The following IPO7 variants were observed in gnomAD, a reference collection of about 807,000 sequenced individuals.
The protein encoded by IPO7 is importin 7.
In IPO7, 13 loss-of-function variants were observed where a neutral mutation model predicts 136.4. The observed-to-expected ratio is 0.10, with a 90% CI of 0.06 to 0.15. IPO7 has a LOEUF of 0.15. Among genes scored for constraint, IPO7 ranks in the 10% least tolerant of loss-of-function variants. The probability of loss-of-function intolerance (pLI) is 1.00; values close to 1 mark genes in which losing one functional copy is unlikely to be tolerated. For missense variants in IPO7, 857 were observed against 1,240.6 expected (o/e 0.69, Z 4.65); for synonymous variants, 403 against 404.4 (o/e 1.00, Z 0.04).
At position 9,422,989 on chromosome 11, in the gene IPO7, G is replaced by C; in HGVS notation, c.907-17G>C. The C allele has an allele frequency of 6.7e-7, 1 of 1,497,726 alleles. No individual in the cohort carries two copies. Among genetic ancestry groups the C allele is most frequent in the East Asian group, 2.3e-5 (1 of 43,686 alleles). The allele number at this position is 1,497,726 out of a possible 1,614,324, so 92.8% of individuals were successfully genotyped here. On this transcript the variant is annotated splice_polypyrimidine_tract_variant and intron_variant, in intron 8 of 24. Coordinates refer to ENST00000379719, the MANE Select transcript of IPO7 (RefSeq NM_006391.3). Reference sequence around the variant, plus strand: ...TCTATTTGAACATTGATTTGTGATCGAAAATTTTTTTCCAAGGTTTTATTG... The same window carrying C: ...TCTATTTGAACATTGATTTGTGATCCAAAATTTTTTTCCAAGGTTTTATTG...
At chr11:9,438,648 A>G (rs76362919) in intron 22 of IPO7, among the ~76,000 whole-genome samples, 1 of 152,176 alleles carries the variant, frequency 6.6e-6, no homozygotes, top group Non-Finnish European at 1.5e-5. Flanking sequence ...ATATATATAT[A>G]TATCACTAGC....
intron 22 of IPO7, among the ~76,000 whole-genome samples, chr11:9,439,522 TAC>T (rs1254449837): frequency 3.3e-5 from 5 of 152,182 alleles, no homozygotes; most frequent in African/African-American, 1.2e-4. Context: ...TTAACAAAGG[TAC>T]ACATATCATT....
At chr11:9,398,875 T>C (rs567840780) in intron 1 of IPO7, among the ~76,000 whole-genome samples, 1 of 152,184 alleles carries the variant, frequency 6.6e-6, no homozygotes, top group Non-Finnish European at 1.5e-5. Flanking sequence ...TATGTTTCTT[T>C]CTTGTTGAAA....
intron 1 of IPO7, among the ~76,000 whole-genome samples, chr11:9,401,794 G>A (rs929779666): frequency 2.6e-5 from 4 of 152,088 alleles, no homozygotes; most frequent in Admixed American, 2.6e-4. Context: ...CTTTTGAAAT[G>A]TAACATGTAT....
intron 1 of IPO7, among the ~76,000 whole-genome samples, chr11:9,389,455 G>A (rs1352558495): frequency 2.0e-5 from 3 of 152,212 alleles, no homozygotes; most frequent in Non-Finnish European, 4.4e-5. Flanking sequence ...TAGGCACTGA[G>A]CTAAGTAGTT....
Position 9,435,047 on chromosome 11 carries a change from A to T in IPO7, c.2172+16A>T. 1 of 1,441,620 alleles carries T rather than the reference A, an allele frequency of 6.9e-7. No individual in the cohort carries two copies. The highest frequency in any genetic ancestry group is 1.2e-5 in the South Asian group (1 of 86,264). 89.3% of individuals were successfully genotyped at this position (1,441,620 alleles called of 1,614,324 possible). On this transcript the variant is annotated intron_variant, in intron 19 of 24. Coordinates refer to ENST00000379719, the MANE Select transcript of IPO7 (RefSeq NM_006391.3). ...GTGCAAAAAGGTAGGTCATTTTTATATATCAGATTTCATGAGGCTTCTGCT... is the reference window on the plus strand; with the variant it reads ...GTGCAAAAAGGTAGGTCATTTTTATTTATCAGATTTCATGAGGCTTCTGCT...
chr11:9,406,865 C>A (rs941397052), intron 2 of IPO7, among the ~76,000 whole-genome samples: 3 of 151,856 alleles, frequency 2.0e-5, no homozygotes, highest in Admixed American at 1.3e-4. Context: ...CAGAGTGAGA[C>A]CCTTTCTCAA....
rs1855451381 is a variant in IPO7 at position 9,440,806 on chromosome 11, G to C, written c.2902+145G>C. ...CAAAGTAACCAAAATTATTTCTAAG[G>C]TTGCCATAGTTTCTGAGTATTCTTT... On this transcript the variant is annotated intron_variant, in intron 23 of 24. Coordinates refer to ENST00000379719, the MANE Select transcript of IPO7 (RefSeq NM_006391.3). The C allele has an allele frequency of 3.6e-5, 22 of 609,802 alleles. No individual in the cohort carries two copies. The South Asian group carries it at 4.2e-4, about 12-fold the overall frequency. 37.8% of individuals were successfully genotyped at this position (609,802 alleles called of 1,614,324 possible).
At chr11:9,387,690 G>T (rs1241157916) in intron 1 of IPO7, among the ~76,000 whole-genome samples, 1 of 151,816 alleles carries the variant, frequency 6.6e-6, no homozygotes, top group African/African-American at 2.4e-5. Context: ...AATTAGCTGG[G>T]CGCGGTGGCG....
At chr11:9,427,406 A>G (rs1174130345) in intron 12 of IPO7, among the ~76,000 whole-genome samples, 1 of 151,788 alleles carries the variant, frequency 6.6e-6, no homozygotes, top group African/African-American at 2.4e-5. Context: ...GACTGCAGAC[A>G]CCTGCCACCA....
intron 4 of IPO7, among the ~76,000 whole-genome samples, chr11:9,412,741 A>G (rs76976139): frequency 1.3e-5 from 2 of 151,974 alleles, no homozygotes; most frequent in Non-Finnish European, 2.9e-5. Context: ...CTGAGGTGTG[A>G]GGATAGCTTG....
At position 9,420,980 on chromosome 11, in the gene IPO7, AT is replaced by A. The variant is rs558977398; in HGVS notation, c.906+291del. 1.5e-4 allele frequency among the ~76,000 whole-genome samples: 22 copies of A among 151,724 alleles called. No individual in the cohort carries two copies. In the East Asian group the frequency reaches 3.3e-3, roughly 23 times the overall value. The stretch of plus-strand genomic sequence containing the variant: ...AGGCCTATTATATGTTAAGACAATA[AT>A]TTTTTTTTCTCTTGTTGCCCAGGTT... On this transcript the variant is annotated intron_variant, in intron 8 of 24. Transcript: ENST00000379719.
chr11:9,442,232 T>C (rs937582150), intron 24 of IPO7, 35 bp downstream of exon 24: 4 of 939,070 alleles, frequency 4.3e-6, no homozygotes, highest in African/African-American at 3.3e-5. Context: ...CTTTAATTAG[T>C]GACTTTTATA....
rs1855517084 is a variant in IPO7 at position 9,445,588 on chromosome 11, C to T, written c.*394C>T. On this transcript the variant is annotated 3_prime_UTR_variant, in exon 25 of 25. Coordinates refer to ENST00000379719, the MANE Select transcript of IPO7 (RefSeq NM_006391.3). ...AATGTCTCATTTACAGTATAAAACT[C>T]AAAGGTAGATGTAATTTTTACACCT... 1 of 158,132 alleles carries T rather than the reference C, an allele frequency of 6.3e-6. No homozygotes were observed. Among genetic ancestry groups the T allele is most frequent in the African/African-American group, 2.4e-5 (1 of 41,598 alleles). The allele number at this position is 158,132 out of a possible 1,614,324, so 9.8% of individuals were successfully genotyped here.
chr11:9,410,253 G>T (rs767970164), intron 4 of IPO7, among the ~76,000 whole-genome samples, 167 bp downstream of exon 4: 2 of 151,930 alleles, frequency 1.3e-5, no homozygotes, highest in Non-Finnish European at 2.9e-5. Flanking sequence ...TTCTAACTCC[G>T]CAGTTGCTTT....
Position 9,397,341 on chromosome 11 carries a change from A to ATATATATAT in IPO7, c.85-5949_85-5948insTATATATAT, listed in dbSNP as rs1554952648. Among the ~76,000 whole-genome samples the ATATATATAT allele has an allele frequency of 6.5e-4, 7 of 10,762 alleles. 1 individual carries two copies. Among genetic ancestry groups the ATATATATAT allele is most frequent in the Non-Finnish European group, 1.3e-3 (7 of 5,462 alleles). 7.1% of individuals were successfully genotyped at this position (10,762 alleles called of 152,430 possible). On this transcript the variant is annotated intron_variant, in intron 1 of 24. Coordinates refer to ENST00000379719, the MANE Select transcript of IPO7 (RefSeq NM_006391.3). Reference sequence around the variant, plus strand: ...CTTTACTAAAAATAATTTAAAAAAAAATATATATATATATATATATATATT... The same window carrying ATATATATAT: ...CTTTACTAAAAATAATTTAAAAAAAATATATATATATATATATATATATATATATATATT...
At chr11:9,404,338 G>A (rs536189396) in intron 2 of IPO7, among the ~76,000 whole-genome samples, 3 of 151,552 alleles carry the variant, frequency 2.0e-5, no homozygotes, top group African/African-American at 7.2e-5. Context: ...GGTGGCGGGC[G>A]CCTGTAGTCC....
intron 1 of IPO7, among the ~76,000 whole-genome samples, chr11:9,390,591 G>A (rs1854614523): frequency 6.6e-6 from 1 of 152,190 alleles, no homozygotes; most frequent in Admixed American, 6.5e-5. Flanking sequence ...GAATTTGGGA[G>A]AAGGAAAGTC....
At chr11:9,413,099 T>C (rs1854990909) in intron 4 of IPO7, among the ~76,000 whole-genome samples, 3 of 152,116 alleles carry the variant, frequency 2.0e-5, no homozygotes, top group Admixed American at 6.6e-5. Flanking sequence ...AGGATGGTCT[T>C]GATCTCCTGA....
Sources: gnomAD v4.1 joint callset for allele counts (sites outside exome capture counted in the v4.1 genomes callset) on GRCh38, gnomAD v4.1.1 for gene constraint, MANE v1.5 for transcripts, NCBI Gene and HGNC (gene_info 2026-07-23, HGNC 2026-07-21) for gene names.